VPS37C: variants seen among roughly 807,000 people sequenced by gnomAD.
VPS37C encodes VPS37C subunit of ESCRT-I.
Under a neutral mutation model 16.1 loss-of-function variants are expected in VPS37C, and 9 were observed. That is an observed-to-expected ratio of 0.56 (90% CI 0.34 to 0.97). The LOEUF (loss-of-function observed/expected upper bound fraction) is 0.97. VPS37C is among the 50% of genes least tolerant of loss of function. VPS37C has a pLI of 0.02. For missense variants in VPS37C, 479 were observed against 472.7 expected, an observed-to-expected ratio of 1.01 and a Z score of -0.12; for synonymous variants, 207 against 206.4, an observed-to-expected ratio of 1.00 and a Z score of -0.02.
In VPS37C at chr11:61,138,720, T is replaced by C; in HGVS notation, c.93+17A>G. On this transcript the variant is annotated intron_variant, in intron 2 of 4. Transcript: ENST00000301765. ...ATCTGCTGGCCTCTGTTGGGTCCCA[T>C]ACCAGCCTCCCTCTACCTCAGGGGA... 1 of 1,613,446 alleles carries C rather than the reference T, an allele frequency of 6.2e-7. No homozygotes were observed. The highest frequency in any genetic ancestry group is 8.5e-7 in the Non-Finnish European group (1 of 1,179,384).
intron 3 of VPS37C, 115 bp from the exon 4 acceptor site, chr11:61,133,452 C>A: frequency 9.4e-7 from 1 of 1,060,754 alleles, no homozygotes; most frequent in Non-Finnish European, 1.4e-6. Context: ...CAGGGTCCAC[C>A]AAAGGGTCCT....
In VPS37C at chr11:61,133,027, G is replaced by A. The variant is rs1354349340; in HGVS notation, c.348+228C>T. On this transcript the variant is annotated intron_variant, in intron 4 of 4. Coordinates refer to ENST00000301765, the MANE Select transcript of VPS37C (RefSeq NM_017966.5). ...GTGCTGCCCTACCATCCAGGGCTGC[G>A]AGCTGCCCTTGTCCACTGTCACCCG... 2.6e-5 allele frequency: 17 copies of A among 653,378 alleles called. 1 individual carries two copies. The highest frequency in any genetic ancestry group is 1.3e-4 in the South Asian group (8 of 61,362). 40.5% of individuals were successfully genotyped at this position (653,378 alleles called of 1,614,324 possible). A position where few individuals can be genotyped will look rare whatever the true frequency, so the allele number is the denominator to read the frequency against.
Position 61,131,594 on chromosome 11 carries a change from G to T in VPS37C, c.*226C>A. The T allele has an allele frequency of 1.9e-6, 1 of 514,348 alleles. No individual in the cohort carries two copies. Among genetic ancestry groups the T allele is most frequent in the Non-Finnish European group, 3.0e-6 (1 of 333,688 alleles). 31.9% of individuals were successfully genotyped at this position (514,348 alleles called of 1,614,324 possible). ...AGCCTGGCTAGCACCGCTGCAGCCA[G>T]GCACTGAAAGGAGGGGCTTCCAGGA... On this transcript the variant is annotated 3_prime_UTR_variant, in exon 5 of 5. Coordinates refer to ENST00000301765, the MANE Select transcript of VPS37C (RefSeq NM_017966.5).
chr11:61,159,010 A>T (rs1398213332), intron 1 of VPS37C, among the ~76,000 whole-genome samples: 2 of 152,200 alleles, frequency 1.3e-5, no homozygotes, highest in African/African-American at 2.4e-5. Context: ...TTTCCACACA[A>T]CAGAGATCCA....
At chr11:61,158,358 C>T (rs1853410959) in intron 1 of VPS37C, among the ~76,000 whole-genome samples, 1 of 152,202 alleles carries the variant, frequency 6.6e-6, no homozygotes, top group Admixed American at 6.5e-5. Flanking sequence ...AAGACTTGAA[C>T]ATTACAAGCC....
At chr11:61,136,561 T>C (rs1356394767) in intron 2 of VPS37C, among the ~76,000 whole-genome samples, 1 of 152,298 alleles carries the variant, frequency 6.6e-6, no homozygotes, top group African/African-American at 2.4e-5. Flanking sequence ...AAATTGCATA[T>C]CGATGCATAT....
chr11:61,157,301 TG>T, intron 1 of VPS37C, among the ~76,000 whole-genome samples: 1 of 152,374 alleles, frequency 6.6e-6, no homozygotes, highest in East Asian at 1.9e-4. Flanking sequence ...TTTAATTTTT[TG>T]AGGAACTGCC....
chr11:61,153,072 G>A (rs1041766693), intron 1 of VPS37C, among the ~76,000 whole-genome samples: 69 of 152,288 alleles, frequency 4.5e-4, no homozygotes, highest in South Asian at 4.1e-4. Flanking sequence ...GCATCCCAGC[G>A]CCTAGGTCAA....
Position 61,161,388 on chromosome 11 carries a change from C to A in VPS37C, c.-7+3G>T. The stretch of plus-strand genomic sequence containing the variant: ...GCCGGGACCCTCCCCAGTCTCCGCT[C>A]ACCTGCCAGGGCCGCCGTCGCCGCC... On this transcript the variant is annotated splice_donor_region_variant and intron_variant, in intron 1 of 4. Coordinates refer to ENST00000301765, the MANE Select transcript of VPS37C (RefSeq NM_017966.5). 1.3e-5 allele frequency: 2 copies of A among 154,216 alleles called. No homozygotes were observed. The highest frequency in any genetic ancestry group is 4.0e-4 in the South Asian group (2 of 5,030). 9.6% of individuals were successfully genotyped at this position (154,216 alleles called of 1,614,324 possible). A position where few individuals can be genotyped will look rare whatever the true frequency, so the allele number is the denominator to read the frequency against.
chr11:61,134,304 TG>T (rs1420992965), intron 2 of VPS37C, 97 bp from the exon 3 acceptor site: 4 of 1,390,910 alleles, frequency 2.9e-6, no homozygotes, highest in Admixed American at 4.2e-5. Flanking sequence ...TTGCTCACCT[TG>T]GGGCGGAGAG....
At chr11:61,149,282 T>C (rs1853263557) in intron 1 of VPS37C, among the ~76,000 whole-genome samples, 1 of 152,098 alleles carries the variant, frequency 6.6e-6, no homozygotes, top group Non-Finnish European at 1.5e-5. Flanking sequence ...CGAGACTCCA[T>C]CTCAAAGTAA....
At chr11:61,152,852 T>C (rs1433355606) in intron 1 of VPS37C, among the ~76,000 whole-genome samples, 4 of 152,248 alleles carry the variant, frequency 2.6e-5, no homozygotes, top group Non-Finnish European at 5.9e-5. Flanking sequence ...TACTCTTTCC[T>C]ACACTTTCCC....
chr11:61,153,211 C>T (rs770943341), intron 1 of VPS37C, among the ~76,000 whole-genome samples: 3 of 152,164 alleles, frequency 2.0e-5, no homozygotes, highest in Non-Finnish European at 2.9e-5. Flanking sequence ...ATCATGGGGG[C>T]GGTTCCCCCA....
chr11:61,155,039 A>G (rs657670), intron 1 of VPS37C, among the ~76,000 whole-genome samples: 112,206 of 150,894 alleles, frequency 0.74, 43,187 homozygotes, highest in East Asian at 1. Context: ...AGAAGTTTGA[A>G]GCTGCAGTGA....
At chr11:61,146,172 C>CGG (rs2134644975) in intron 1 of VPS37C, among the ~76,000 whole-genome samples, 1 of 152,306 alleles carries the variant, frequency 6.6e-6, no homozygotes, top group Non-Finnish European at 1.5e-5. Flanking sequence ...CCCTTACCCC[C>CGG]GCCTGCTCGC....
chr11:61,142,162 G>A (rs1861482842), intron 1 of VPS37C, among the ~76,000 whole-genome samples: 1 of 152,240 alleles, frequency 6.6e-6, no homozygotes, highest in African/African-American at 2.4e-5. Flanking sequence ...TCAATGTTAA[G>A]GAGGACTCCA....
intron 1 of VPS37C, among the ~76,000 whole-genome samples, chr11:61,153,868 T>C (rs573421876): frequency 2.0e-5 from 3 of 152,290 alleles, no homozygotes; most frequent in Non-Finnish European, 1.5e-5. Context: ...TACTGATCTA[T>C]ACCAGTCCAA....
chr11:61,146,423 G>A (rs1853207354), intron 1 of VPS37C, among the ~76,000 whole-genome samples: 1 of 152,260 alleles, frequency 6.6e-6, no homozygotes, highest in Non-Finnish European at 1.5e-5. Flanking sequence ...CATGAATACA[G>A]ATGAGAGCAG....
At chr11:61,137,079 T>C (rs1419479407) in intron 2 of VPS37C, among the ~76,000 whole-genome samples, 1 of 152,260 alleles carries the variant, frequency 6.6e-6, no homozygotes, top group Admixed American at 6.5e-5. Flanking sequence ...CTTAATAAGT[T>C]ACGGTGTTTC....
Sources: gnomAD v4.1 joint callset for allele counts (sites outside exome capture counted in the v4.1 genomes callset) on GRCh38, gnomAD v4.1.1 for gene constraint, MANE v1.5 for transcripts, NCBI Gene and HGNC (gene_info 2026-07-23, HGNC 2026-07-21) for gene names.